The following RPL10L variants were observed in gnomAD, a reference collection of about 807,000 sequenced individuals.
The protein encoded by RPL10L is ribosomal protein L10 like.
A neutral mutation model predicts 10.2 loss-of-function variants in RPL10L; 11 were observed. The observed-to-expected ratio is 1.08, with a 90% CI of 0.68 to 1.79. The LOEUF (loss-of-function observed/expected upper bound fraction) is 1.79. Ranked by LOEUF, RPL10L falls within the 40% of genes most tolerant of loss-of-function variation. The probability of loss-of-function intolerance (pLI) is 0.00; values close to 1 mark genes in which losing one functional copy is unlikely to be tolerated. For synonymous variants in RPL10L, 120 were observed against 101.7 expected (o/e 1.18, Z -1.08); for missense variants, 320 against 289.8 (o/e 1.10, Z -0.76).
rs1271053461 is a variant in RPL10L at position 46,651,146 on chromosome 14, G to C, written c.591C>G (p.Val197=). ...AGGGGCCATGACTGGGAACGTACTTGACTCCACAACCATCAGGGATGAGGC... is the reference window on the plus strand; with the variant it reads ...AGGGGCCATGACTGGGAACGTACTTCACTCCACAACCATCAGGGATGAGGC... The part of the protein sequence containing the change: ...KKCLIPDGCG[V]KYVPSHGPLD... The change falls in exon 1 of 1, where the codon GTC becomes GTG. Residue 197 remains valine (V), a synonymous_variant. Coordinates refer to ENST00000298283, the MANE Select transcript of RPL10L (RefSeq NM_080746.3). 2.5e-6 allele frequency: 4 copies of C among 1,614,044 alleles called. No homozygotes were observed. The highest frequency in any genetic ancestry group is 3.4e-6 in the Non-Finnish European group (4 of 1,180,040).
Position 46,651,737 on chromosome 14 carries a change from G to A in RPL10L, c.-1C>T, listed in dbSNP as rs982659480. ...AACAGCGAGCTGGACGGCGCCCCAT[G>A]GCGACACAGTAACGTCGGCGGTGCC... On this transcript the variant is annotated 5_prime_UTR_variant, in exon 1 of 1. Transcript: ENST00000298283. The A allele has an allele frequency of 3.1e-6, 5 of 1,614,208 alleles. No individual in the cohort carries two copies. The highest frequency in any genetic ancestry group is 1.7e-5 in the Admixed American group (1 of 60,028).
In RPL10L at chr14:46,651,536, G is replaced by T. The variant is rs1201929924; in HGVS notation, c.201C>A (p.Ala67=). The T allele has an allele frequency of 1.2e-6, 2 of 1,613,998 alleles. No homozygotes were observed. The part of the protein sequence containing the change: ...YEQLSSEALE[A]ARICANKYMV... Reference sequence around the variant, plus strand: ...TGTATTTGTTGGCACAAATACGGGCGGCCTCCAGGGCTTCAGAAGACAGCT... The same window carrying T: ...TGTATTTGTTGGCACAAATACGGGCTGCCTCCAGGGCTTCAGAAGACAGCT... Residue 67 remains alanine (A), a synonymous_variant, in exon 1 of 1, where the codon GCC becomes GCA. Transcript: ENST00000298283.
In RPL10L at chr14:46,651,539, C is replaced by T; in HGVS notation, c.198G>A (p.Glu66=). 6 of 1,614,198 alleles carry T rather than the reference C, an allele frequency of 3.7e-6. No homozygotes were observed. The highest frequency in any genetic ancestry group is 5.1e-6 in the Non-Finnish European group (6 of 1,180,040). ...EYEQLSSEAL[E]AARICANKYM... ...ATTTGTTGGCACAAATACGGGCGGC[C>T]TCCAGGGCTTCAGAAGACAGCTGCT... The change falls in exon 1 of 1, where the codon GAG becomes GAA. Residue 66 remains glutamate, a synonymous_variant. Coordinates refer to ENST00000298283, the MANE Select transcript of RPL10L (RefSeq NM_080746.3).
Position 46,651,106 on chromosome 14 carries a change from C to G in RPL10L, c.631G>C (p.Val211Leu). 5.0e-6 allele frequency: 8 copies of G among 1,613,882 alleles called. No individual in the cohort carries two copies. The highest frequency in any genetic ancestry group is 6.8e-6 in the Non-Finnish European group (8 of 1,179,858). Residue 211 changes from valine to leucine, a missense_variant, in exon 1 of 1, where the codon GTT becomes CTT. Physicochemically the swap from Val to Leu is conservative, Grantham distance 32. Coordinates refer to ENST00000298283, the MANE Select transcript of RPL10L (RefSeq NM_080746.3). ...PSHGPLDKWR[V>L]LHS is the part of the protein sequence containing the mutation. ...TGCCAAAACCTTCATGAGTGCAGAA[C>G]CCGCCACTTGTCCAAGGGGCCATGA...
In RPL10L at chr14:46,651,527, A is replaced by T. The variant is rs1349755178; in HGVS notation, c.210T>A (p.Ile70=). 2 of 1,614,144 alleles carry T rather than the reference A, an allele frequency of 1.2e-6. No homozygotes were observed. The highest frequency in any genetic ancestry group is 1.1e-5 in the South Asian group (1 of 91,078). The change falls in exon 1 of 1, where the codon ATT becomes ATA. Residue 70 remains isoleucine (I), a synonymous_variant. Coordinates refer to ENST00000298283, the MANE Select transcript of RPL10L (RefSeq NM_080746.3). ...LSSEALEAAR[I]CANKYMVKSC... ...TTTTCACCATGTATTTGTTGGCACA[A>T]ATACGGGCGGCCTCCAGGGCTTCAG... is the stretch of plus-strand genomic sequence containing the variant.
chr14:46,651,640 T>TGCG lies in RPL10L; in HGVS notation c.94_96dup (p.Arg32dup), dbSNP rs1395054882. On this transcript the variant is annotated inframe_insertion, in exon 1 of 1. Coordinates refer to ENST00000298283, the MANE Select transcript of RPL10L (RefSeq NM_080746.3). Reference sequence around the variant, plus strand: ...GCCTTCTTTCTACCCAGGTCAAAGATGCGGATCTTGGCATCAGGAACCCCT... The same window carrying TGCG: ...GCCTTCTTTCTACCCAGGTCAAAGATGCGGCGGATCTTGGCATCAGGAACCCCT... 1 of 1,614,142 alleles carries TGCG rather than the reference T, an allele frequency of 6.2e-7. No homozygotes were observed. The highest frequency in any genetic ancestry group is 1.3e-5 in the African/African-American group (1 of 75,040).
rs773055197 is a variant in RPL10L, at chr14:46,651,425, G to C, written c.312C>G (p.Ser104=). The change falls in exon 1 of 1, where the codon TCC becomes TCG. Residue 104 remains serine, a synonymous_variant. Coordinates refer to ENST00000298283, the MANE Select transcript of RPL10L (RefSeq NM_080746.3). ...FHVIRINKML[S]CAGADRLQTG... is the part of the protein sequence containing the mutation. ...TCTGGAGCCTGTCAGCCCCAGCACA[G>C]GACAACATCTTGTTGATGCGGATGA... 1.2e-6 allele frequency: 2 copies of C among 1,614,160 alleles called. No homozygotes were observed. Among genetic ancestry groups the C allele is most frequent in the Non-Finnish European group, 1.7e-6 (2 of 1,180,030 alleles).
At position 46,651,756 on chromosome 14, in the gene RPL10L, C is replaced by T. The variant is rs779697315; in HGVS notation, c.-20G>A. The T allele has an allele frequency of 5.0e-6, 8 of 1,613,614 alleles. No individual in the cohort carries two copies. Among genetic ancestry groups the T allele is most frequent in the South Asian group, 4.4e-5 (4 of 91,066 alleles). On this transcript the variant is annotated 5_prime_UTR_variant, in exon 1 of 1. Coordinates refer to ENST00000298283, the MANE Select transcript of RPL10L (RefSeq NM_080746.3). ...CCCCATGGCGACACAGTAACGTCGG[C>T]GGTGCCTCGAAGTCAAAATGCGCTC...
In RPL10L at chr14:46,651,694, T is replaced by G. The variant is rs773388593; in HGVS notation, c.43A>C (p.Lys15Gln). ...PARCYRYCKN[K>Q]PYPKSRFCRG... ...CAGAAACGAGATTTTGGGTACGGCT[T>G]GTTCTTACAATACCGGTAACAGCGA... The change falls in exon 1 of 1, where the codon AAG becomes CAG. Residue 15 changes from lysine (K) to glutamine (Q), a missense_variant. Coordinates refer to ENST00000298283, the MANE Select transcript of RPL10L (RefSeq NM_080746.3). 5 of 1,614,234 alleles carry G rather than the reference T, an allele frequency of 3.1e-6. No homozygotes were observed. In the East Asian group the frequency reaches 1.1e-4, roughly 36 times the overall value.
rs1883867943 is a variant in RPL10L at position 46,651,246 on chromosome 14, T to G, written c.491A>C (p.Lys164Thr). Reference sequence around the variant, plus strand: ...GCCCCACTTCTTGGAGATATGAATCTTCTGGCGTCCAGGGAACTTGAACTT... The same window carrying G: ...GCCCCACTTCTTGGAGATATGAATCGTCTGGCGTCCAGGGAACTTGAACTT... ...RAKFKFPGRQ[K>T]IHISKKWGFT... The change falls in exon 1 of 1, where the codon AAG becomes ACG. Residue 164 changes from lysine to threonine, a missense_variant. Transcript: ENST00000298283. 1.9e-6 allele frequency: 3 copies of G among 1,614,072 alleles called. No individual in the cohort carries two copies. Among genetic ancestry groups the G allele is most frequent in the Admixed American group, 3.3e-5 (2 of 60,010 alleles).
rs1441378395 is a variant in RPL10L at position 46,651,197 on chromosome 14, T to A, written c.540A>T (p.Glu180Asp). The change falls in exon 1 of 1, where the codon GAA (glutamate) becomes GAT (aspartate). Residue 180 changes from glutamate to aspartate, a missense_variant. Glu to Asp is a conservative substitution (Grantham distance 45). Transcript: ENST00000298283. Reference sequence around the variant, plus strand: ...ACTTCTTGGCCACCATGTCTTCAAATTCGTCAGCATTAAACTTCGTGAAGC... The same window carrying A: ...ACTTCTTGGCCACCATGTCTTCAAAATCGTCAGCATTAAACTTCGTGAAGC... ...KWGFTKFNAD[E>D]FEDMVAKKCL... 1 of 1,614,144 alleles carries A rather than the reference T, an allele frequency of 6.2e-7. No homozygotes were observed. The highest frequency in any genetic ancestry group is 8.5e-7 in the Non-Finnish European group (1 of 1,180,006).
At position 46,651,019 on chromosome 14, in the gene RPL10L, G is replaced by T; in HGVS notation, c.*73C>A. On this transcript the variant is annotated 3_prime_UTR_variant, in exon 1 of 1. Coordinates refer to ENST00000298283, the MANE Select transcript of RPL10L (RefSeq NM_080746.3). ...AAAACTTAATAAGGAGTTATTTTTT[G>T]CCAGTAAACAGAATTTATTAGTAAG... 1.4e-6 allele frequency: 2 copies of T among 1,433,026 alleles called. No individual in the cohort carries two copies. The highest frequency in any genetic ancestry group is 1.9e-6 in the Non-Finnish European group (2 of 1,062,216). 88.8% of individuals were successfully genotyped at this position (1,433,026 alleles called of 1,614,324 possible). A position where few individuals can be genotyped will look rare whatever the true frequency, so the allele number is the denominator to read the frequency against.
chr14:46,651,334 T>C lies in RPL10L; in HGVS notation c.403A>G (p.Ile135Val), dbSNP rs1883873886. The change falls in exon 1 of 1, where the codon ATC (isoleucine) becomes GTC (valine). Residue 135 changes from isoleucine (I) to valine (V), a missense_variant. Physicochemically the swap from Ile to Val is conservative, Grantham distance 29. Coordinates refer to ENST00000298283, the MANE Select transcript of RPL10L (RefSeq NM_080746.3). The part of the protein sequence containing the change: ...TVARVHIGQV[I>V]MSIRTKLQNE... ...TGAAGCTTGGTGCGGATGGACATGA[T>C]GACTTGACCAATGTGGACCCGGGCT... 6.2e-7 allele frequency: 1 copy of C among 1,614,046 alleles called. No homozygotes were observed. The highest frequency in any genetic ancestry group is 1.3e-5 in the African/African-American group (1 of 74,916).
In RPL10L at chr14:46,651,398, T is replaced by C. The variant is rs1030321333; in HGVS notation, c.339A>G (p.Thr113=). The part of the protein sequence containing the change: ...LSCAGADRLQ[T]GMRGAFGKPQ... ...GTTTTCCAAAGGCACCTCGCATACC[T>C]GTCTGGAGCCTGTCAGCCCCAGCAC... Residue 113 remains threonine, a synonymous_variant, in exon 1 of 1, where the codon ACA becomes ACG. Transcript: ENST00000298283. 1 of 1,614,158 alleles carries C rather than the reference T, an allele frequency of 6.2e-7. No homozygotes were observed. The highest frequency in any genetic ancestry group is 8.5e-7 in the Non-Finnish European group (1 of 1,180,034).
Position 46,651,247 on chromosome 14 carries a change from T to C in RPL10L, c.490A>G (p.Lys164Glu), listed in dbSNP as rs1177188792. The C allele has an allele frequency of 2.5e-6, 4 of 1,614,076 alleles. No individual in the cohort carries two copies. The highest frequency in any genetic ancestry group is 2.7e-5 in the African/African-American group (2 of 74,924). Residue 164 changes from lysine (K) to glutamate (E), a missense_variant, in exon 1 of 1, where the codon AAG becomes GAG. Lys to Glu is a moderately conservative substitution (Grantham distance 56). Coordinates refer to ENST00000298283, the MANE Select transcript of RPL10L (RefSeq NM_080746.3). ...RAKFKFPGRQ[K>E]IHISKKWGFT... ...CCCCACTTCTTGGAGATATGAATCT[T>C]CTGGCGTCCAGGGAACTTGAACTTG...
In RPL10L at chr14:46,651,577, A is replaced by C; in HGVS notation, c.160T>G (p.Ser54Ala). Reference sequence around the variant, plus strand: ...GAAGACAGCTGCTCATATTCATCAGACACCATGTGGCCACCGAGTGGGAAC... The same window carrying C: ...GAAGACAGCTGCTCATATTCATCAGCCACCATGTGGCCACCGAGTGGGAAC... ...DEFPLGGHMV[S>A]DEYEQLSSEA... The change falls in exon 1 of 1, where the codon TCT becomes GCT. Residue 54 changes from serine (S) to alanine (A), a missense_variant. Physicochemically the swap from Ser to Ala is moderately conservative, Grantham distance 99. Transcript: ENST00000298283. 1 of 1,614,024 alleles carries C rather than the reference A, an allele frequency of 6.2e-7. No individual in the cohort carries two copies. Among genetic ancestry groups the C allele is most frequent in the Non-Finnish European group, 8.5e-7 (1 of 1,180,000 alleles).
Position 46,651,032 on chromosome 14 carries a change from A to AT in RPL10L, c.*59dup. ...GAGTTATTTTTTGCCAGTAAACAGA[A>AT]TTTATTAGTAAGCATAAGTCAGACC... On this transcript the variant is annotated 3_prime_UTR_variant, in exon 1 of 1. Coordinates refer to ENST00000298283, the MANE Select transcript of RPL10L (RefSeq NM_080746.3). 6.6e-7 allele frequency: 1 copy of AT among 1,510,002 alleles called. No homozygotes were observed. The highest frequency in any genetic ancestry group is 8.9e-7 in the Non-Finnish European group (1 of 1,124,954). 93.5% of individuals were successfully genotyped at this position (1,510,002 alleles called of 1,614,324 possible).
rs745608036 is a variant in RPL10L, at chr14:46,651,727, G to A, written c.10C>T (p.Arg4Cys). MGR[R>C]PARCYRYCKN... ...CAATACCGGTAACAGCGAGCTGGACGGCGCCCCATGGCGACACAGTAACGT... is the reference window on the plus strand; with the variant it reads ...CAATACCGGTAACAGCGAGCTGGACAGCGCCCCATGGCGACACAGTAACGT... Residue 4 changes from arginine to cysteine, a missense_variant, in exon 1 of 1, where the codon CGT (arginine) becomes TGT (cysteine). Transcript: ENST00000298283. 3.4e-5 allele frequency: 55 copies of A among 1,614,100 alleles called. No homozygotes were observed. Among genetic ancestry groups the A allele is most frequent in the Middle Eastern group, 1.6e-4 (1 of 6,084 alleles).
chr14:46,651,753 C>A lies in RPL10L; in HGVS notation c.-17G>T. On this transcript the variant is annotated 5_prime_UTR_variant, in exon 1 of 1. Coordinates refer to ENST00000298283, the MANE Select transcript of RPL10L (RefSeq NM_080746.3). ...GCGCCCCATGGCGACACAGTAACGT[C>A]GGCGGTGCCTCGAAGTCAAAATGCG... is the stretch of plus-strand genomic sequence containing the variant. 1 of 1,613,896 alleles carries A rather than the reference C, an allele frequency of 6.2e-7. No homozygotes were observed. Among genetic ancestry groups the A allele is most frequent in the South Asian group, 1.1e-5 (1 of 91,076 alleles).
Sources: allele counts gnomAD v4.1 joint callset, GRCh38; gene constraint gnomAD v4.1.1; transcripts MANE v1.5; gene names NCBI Gene and HGNC (gene_info 2026-07-23, HGNC 2026-07-21).